NEK11: variants seen among roughly 807,000 people sequenced by gnomAD.
The protein encoded by NEK11 is serine/threonine-protein kinase Nek11.
In NEK11, 72 loss-of-function variants were observed where a neutral mutation model predicts 80.7. The observed-to-expected ratio is 0.89, with a 90% CI of 0.74 to 1.08. The LOEUF (loss-of-function observed/expected upper bound fraction) is 1.08, where lower values mean the gene tolerates loss of function less well. Among genes scored for constraint, NEK11 ranks in the 50% least tolerant of loss-of-function variants. The pLI, the probability that NEK11 is intolerant of heterozygous loss-of-function variation, is 0.00. For synonymous variants in NEK11, 251 were observed against 260.7 expected, an observed-to-expected ratio of 0.96 and a Z score of 0.36; for missense variants, 764 against 763.6, an observed-to-expected ratio of 1.00 and a Z score of -0.01.
At chr3:131,120,701 T>G (rs571470025) in intron 5 of NEK11, among the ~76,000 whole-genome samples, 1 of 152,280 alleles carries the variant, frequency 6.6e-6, no homozygotes, top group Admixed American at 6.5e-5. Flanking sequence ...TTCTCTAAAC[T>G]TCTCTTCTCG....
intron 3 of NEK11, among the ~76,000 whole-genome samples, chr3:131,075,157 T>C (rs1196531862): frequency 6.6e-6 from 1 of 152,032 alleles, no homozygotes; most frequent in African/African-American, 2.4e-5. Flanking sequence ...GTGATCGGGG[T>C]ACGTAGAATG....
At chr3:131,125,371 A>C (rs1347760455) in intron 5 of NEK11, among the ~76,000 whole-genome samples, 1 of 152,146 alleles carries the variant, frequency 6.6e-6, no homozygotes, top group Non-Finnish European at 1.5e-5. Context: ...CTAATGGTAA[A>C]AATTATTTTT....
intron 3 of NEK11, among the ~76,000 whole-genome samples, chr3:131,031,607 G>A (rs1359673690): frequency 1.3e-5 from 2 of 152,212 alleles, no homozygotes; most frequent in Non-Finnish European, 2.9e-5. Flanking sequence ...GATAATAAGT[G>A]AGTGGAGAGA....
At chr3:131,331,997 G>T (rs1011542294) in intron 17 of NEK11, among the ~76,000 whole-genome samples, 13 of 152,348 alleles carry the variant, frequency 8.5e-5, no homozygotes, top group Admixed American at 7.8e-4. Flanking sequence ...ACAGCTCAAG[G>T]AGGCCTGCCT....
At chr3:131,050,630 G>T (rs1289753239) in intron 3 of NEK11, among the ~76,000 whole-genome samples, 2 of 152,130 alleles carry the variant, frequency 1.3e-5, no homozygotes, top group Non-Finnish European at 2.9e-5. Context: ...GCATTTGCTT[G>T]TTTCATCAGT....
intron 3 of NEK11, among the ~76,000 whole-genome samples, chr3:131,077,288 C>T (rs1056753811): frequency 6.6e-6 from 1 of 152,102 alleles, no homozygotes; most frequent in East Asian, 1.9e-4. Flanking sequence ...GGTAAGTTTC[C>T]ATGCTGTCTT....
At position 131,112,667 on chromosome 3, in the gene NEK11, A is replaced by G. The variant is rs2149370032; in HGVS notation, c.455+2746A>G. Among the ~76,000 whole-genome samples the G allele has an allele frequency of 1.3e-5, 2 of 152,282 alleles. 1 individual carries two copies. The highest frequency in any genetic ancestry group is 4.1e-4 in the South Asian group (2 of 4,820). ...GATAATGTTTTCATTTGGAGAATCA[A>G]TGGAGGCTTCTTCTTGGAAGAAGTA... On this transcript the variant is annotated intron_variant, in intron 5 of 17. Transcript: ENST00000383366.
In NEK11 at chr3:131,029,844, G is replaced by C. The variant is rs1577173494; in HGVS notation, c.136G>C (p.Val46Leu). Reference sequence around the variant, plus strand: ...TGGAAGTTTTGGAACTGTCTATCTGGTTTCAGACAAGAAAGCCAAACGAGG... The same window carrying C: ...TGGAAGTTTTGGAACTGTCTATCTGCTTTCAGACAAGAAAGCCAAACGAGG... ...GSGSFGTVYL[V>L]SDKKAKRGEE... The change falls in exon 3 of 18, where the codon GTT (valine) becomes CTT (leucine). Residue 46 changes from valine (V) to leucine (L), a missense_variant. By Grantham distance (32) the Val-to-Leu change is conservative (BLOSUM62 1). Coordinates refer to ENST00000383366, the MANE Select transcript of NEK11 (RefSeq NM_024800.5). 1 of 1,614,186 alleles carries C rather than the reference G, an allele frequency of 6.2e-7. No individual in the cohort carries two copies. The highest frequency in any genetic ancestry group is 8.5e-7 in the Non-Finnish European group (1 of 1,180,022).
chr3:131,096,996 T>G (rs1192505306), intron 4 of NEK11, among the ~76,000 whole-genome samples: 2 of 151,442 alleles, frequency 1.3e-5, no homozygotes, highest in East Asian at 3.9e-4. Context: ...TTTGGTGTTT[T>G]GTCCTTGCGA....
At chr3:131,045,397 A>T (rs761336594) in intron 3 of NEK11, among the ~76,000 whole-genome samples, 3 of 152,222 alleles carry the variant, frequency 2.0e-5, no homozygotes, top group Middle Eastern at 3.4e-3. Context: ...TCTTGATTTT[A>T]TTGTTCACCC....
intron 3 of NEK11, among the ~76,000 whole-genome samples, chr3:131,030,832 TG>T (rs2064735623): frequency 6.6e-6 from 1 of 152,342 alleles, no homozygotes; most frequent in South Asian, 2.1e-4. Context: ...CTCTAGTTTT[TG>T]TGTAAAGTTT....
intron 15 of NEK11, among the ~76,000 whole-genome samples, chr3:131,230,135 G>A (rs2095301430): frequency 1.4e-5 from 2 of 143,784 alleles, no homozygotes; most frequent in South Asian, 4.8e-4. Context: ...AAAGCATCAA[G>A]CGGTAAAATT....
chr3:131,287,093 A>G (rs1447775313), intron 17 of NEK11, among the ~76,000 whole-genome samples: 2 of 152,310 alleles, frequency 1.3e-5, no homozygotes, highest in Non-Finnish European at 1.5e-5. Context: ...ATCTGTGCCC[A>G]TGGAAGCTGG....
intron 17 of NEK11, 32 bp from the exon 18 acceptor site, chr3:131,349,525 C>A (rs1450990778): frequency 1.3e-6 from 2 of 1,564,432 alleles, no homozygotes; most frequent in African/African-American, 1.4e-5. Context: ...TAATGTGTAA[C>A]TCTTTGTAAT....
At chr3:131,212,016 A>T (rs2094637897) in intron 14 of NEK11, among the ~76,000 whole-genome samples, 1 of 152,150 alleles carries the variant, frequency 6.6e-6, no homozygotes, top group African/African-American at 2.4e-5. Context: ...GCTGGCGAGG[A>T]GATGCGATCC....
chr3:131,085,516 G>A (rs939556508), intron 4 of NEK11, among the ~76,000 whole-genome samples: 7 of 152,130 alleles, frequency 4.6e-5, no homozygotes, highest in African/African-American at 1.7e-4. Context: ...AAAGTGCTGT[G>A]GGGGTAATAG....
At chr3:131,203,801 A>G (rs1446498236) in intron 14 of NEK11, among the ~76,000 whole-genome samples, 339 of 12,336 alleles carry the variant, frequency 0.027, 10 homozygotes, top group Non-Finnish European at 0.054. Context: ...ATATATATAT[A>G]TATATATATA....
chr3:131,276,637 A>AATT (rs1326645879), intron 17 of NEK11, among the ~76,000 whole-genome samples: 3 of 151,792 alleles, frequency 2.0e-5, no homozygotes, highest in African/African-American at 7.3e-5. Flanking sequence ...TACACTTATA[A>AATT]ATTATTATTA....
intron 16 of NEK11, among the ~76,000 whole-genome samples, chr3:131,258,922 A>G (rs970016731): frequency 3.9e-5 from 6 of 152,196 alleles, no homozygotes; most frequent in African/African-American, 1.4e-4. Flanking sequence ...CATGCAAAGC[A>G]TTGTGGTGGA....
Sources: gnomAD v4.1 joint callset for allele counts (sites outside exome capture counted in the v4.1 genomes callset) on GRCh38, gnomAD v4.1.1 for gene constraint, MANE v1.5 for transcripts, NCBI Gene and HGNC (gene_info 2026-07-23, HGNC 2026-07-21) for gene names.